RIMS2: variants seen among roughly 807,000 people sequenced by gnomAD.
The protein encoded by RIMS2 is regulating synaptic membrane exocytosis protein 2.
Under a neutral mutation model 174.4 loss-of-function variants are expected in RIMS2, and 59 were observed. That is an observed-to-expected ratio of 0.34 (90% confidence interval 0.27 to 0.42). RIMS2 has a LOEUF of 0.42. Ranked by LOEUF, RIMS2 falls within the 10% of genes least tolerant of loss-of-function variation. RIMS2 has a pLI of 1.00. For synonymous variants in RIMS2, 606 were observed against 572.5 expected (o/e 1.06, Z -0.84); for missense variants, 1,620 against 1,666.3 (o/e 0.97, Z 0.48).
At chr8:103,570,222 C>T (rs556613913) in intron 1 of RIMS2, among the ~76,000 whole-genome samples, 3 of 152,188 alleles carry the variant, frequency 2.0e-5, no homozygotes, top group East Asian at 3.9e-4. Context: ...TGTTTCTAGA[C>T]CTCTCATCTA....
At chr8:103,916,529 G>A (rs1196836109) in exon 8 of RIMS2, 1 of 1,607,732 alleles carries the variant, frequency 6.2e-7, no homozygotes, top group Middle Eastern at 1.7e-4. Context: ...TAGTTTCAAG[G>A]CCTATTGGGT....
At chr8:103,520,083 C>T (rs955214442) in intron 1 of RIMS2, among the ~76,000 whole-genome samples, 3 of 152,058 alleles carry the variant, frequency 2.0e-5, no homozygotes, top group African/African-American at 4.8e-5. Flanking sequence ...CCTAGTTTCC[C>T]AGTTACTAAT....
intron 3 of RIMS2, among the ~76,000 whole-genome samples, chr8:103,813,679 T>G (rs1249560929): frequency 3.3e-5 from 5 of 152,192 alleles, no homozygotes; most frequent in South Asian, 2.1e-4. Context: ...TGCAATAGTT[T>G]GCTGAGAATG....
At chr8:104,243,787 C>T (rs1290538776) in intron 19 of RIMS2, among the ~76,000 whole-genome samples, 4 of 152,122 alleles carry the variant, frequency 2.6e-5, no homozygotes, top group Admixed American at 6.5e-5. Context: ...TAGTTAAGCC[C>T]GACAAGAAGT....
chr8:104,212,050 G>T (rs1010395742), intron 19 of RIMS2, among the ~76,000 whole-genome samples: 1 of 152,160 alleles, frequency 6.6e-6, no homozygotes. Flanking sequence ...GGCTGCTGAT[G>T]TCATTTATTT....
intron 1 of RIMS2, among the ~76,000 whole-genome samples, chr8:103,572,401 A>G (rs13263382): frequency 9.4e-6 from 1 of 106,748 alleles, no homozygotes; most frequent in Non-Finnish European, 2.0e-5. Context: ...TTTACAGAGC[A>G]CTGATTGGTC....
chr8:103,570,291 G>A (rs1311884447), intron 1 of RIMS2, among the ~76,000 whole-genome samples: 3 of 152,112 alleles, frequency 2.0e-5, no homozygotes, highest in Admixed American at 2.0e-4. Flanking sequence ...AAAGAATAGA[G>A]TTTTGGAAAA....
At chr8:103,965,151 T>C (rs1040454010) in intron 15 of RIMS2, among the ~76,000 whole-genome samples, 16 of 152,130 alleles carry the variant, frequency 1.1e-4, no homozygotes, top group Non-Finnish European at 2.4e-4. Flanking sequence ...CTTTTACTTC[T>C]CCATATGAGG....
chr8:103,712,254 C>T (rs563467950), intron 2 of RIMS2, among the ~76,000 whole-genome samples: 6 of 151,750 alleles, frequency 4.0e-5, no homozygotes, highest in African/African-American at 1.5e-4. Flanking sequence ...TCGAACAGTC[C>T]TCTTGCCTTG....
At chr8:103,619,840 G>A (rs528066659) in intron 1 of RIMS2, among the ~76,000 whole-genome samples, 1 of 152,104 alleles carries the variant, frequency 6.6e-6, no homozygotes, top group East Asian at 1.9e-4. Flanking sequence ...TCCTAGAAAA[G>A]GCTATGTATT....
At chr8:104,254,250 A>G (rs1192627621), downstream of RIMS2, 1 of 151,694 alleles carries the variant, frequency 6.6e-6, no homozygotes, top group Non-Finnish European at 1.5e-5. Context: ...TGGTTTAGTC[A>G]TGTAACTAGC....
chr8:104,012,707 G>A (rs1474304348), intron 17 of RIMS2, among the ~76,000 whole-genome samples: 1 of 152,064 alleles, frequency 6.6e-6, no homozygotes, highest in African/African-American at 2.4e-5. Context: ...ACAATGAGAG[G>A]TTGCTTAAAT....
At chr8:104,231,936 C>A (rs1438879370) in intron 19 of RIMS2, among the ~76,000 whole-genome samples, 4 of 152,162 alleles carry the variant, frequency 2.6e-5, no homozygotes, top group Non-Finnish European at 5.9e-5. Context: ...CCTTATCATG[C>A]AGTGCAGAAT....
Position 103,964,871 on chromosome 8 carries a change from G to T in RIMS2, c.2770+3738G>T, listed in dbSNP as rs900356370. 2.7e-5 allele frequency among the ~76,000 whole-genome samples: 4 copies of T among 148,210 alleles called. No homozygotes were observed. In the East Asian group the frequency reaches 7.7e-4, roughly 29 times the overall value. ...TGTCTAGGTTCCCTATTTTGCATGT[G>T]GACATCCAATTGTTCCAGCACCATT... On this transcript the variant is annotated intron_variant, in intron 15 of 23. Coordinates refer to ENST00000504942, the Ensembl canonical transcript of RIMS2.
rs1039140323 is a variant in RIMS2 at position 104,102,351 on chromosome 8, T to C, written c.3334+87736T>C. Among the ~76,000 whole-genome samples the C allele has an allele frequency of 3.3e-5, 5 of 152,204 alleles. 1 individual carries two copies. The highest frequency in any genetic ancestry group is 1.2e-4 in the African/African-American group (5 of 41,460). ...CCTGGGCATCACTCTTGATTAGTTC[T>C]TCTCCACTGGGCACAATTTCTTCCC... On this transcript the variant is annotated intron_variant, in intron 19 of 23. Coordinates refer to ENST00000504942, the Ensembl canonical transcript of RIMS2.
intron 1 of RIMS2, among the ~76,000 whole-genome samples, chr8:103,528,532 A>G (rs1586846046): frequency 6.6e-6 from 1 of 152,160 alleles, no homozygotes; most frequent in East Asian, 1.9e-4. Context: ...TAGGTCTAAC[A>G]TTTAAGTCTT....
intron 3 of RIMS2, among the ~76,000 whole-genome samples, chr8:103,778,345 A>G (rs948579095): frequency 2.0e-5 from 3 of 152,024 alleles, no homozygotes; most frequent in African/African-American, 7.2e-5. Context: ...GATCTATCAA[A>G]CACTAGGTCT....
chr8:104,201,127 C>T (rs1310314165), intron 19 of RIMS2, among the ~76,000 whole-genome samples: 1 of 152,118 alleles, frequency 6.6e-6, no homozygotes, highest in African/African-American at 2.4e-5. Flanking sequence ...CCTCTCCCTC[C>T]TCCCACCCTC....
At chr8:103,568,900 A>G in intron 1 of RIMS2, 1 of 1,092,760 alleles carries the variant, frequency 9.2e-7, no homozygotes, top group Non-Finnish European at 1.4e-6. Context: ...GGAAGACCAC[A>G]TTGCTGCAAC....
Sources: gnomAD v4.1 joint callset for allele counts (sites outside exome capture counted in the v4.1 genomes callset) on GRCh38, gnomAD v4.1.1 for gene constraint, MANE v1.5 for transcripts, NCBI Gene and HGNC (gene_info 2026-07-23, HGNC 2026-07-21) for gene names.